IQGAP1: variants seen among roughly 807,000 people sequenced by gnomAD.
The protein encoded by IQGAP1 is ras GTPase-activating-like protein IQGAP1.
In IQGAP1, 66 loss-of-function variants were observed where a neutral mutation model predicts 215.6. The observed-to-expected ratio is 0.31, with a 90% confidence interval of 0.25 to 0.38. The LOEUF is 0.38. Among genes scored for constraint, IQGAP1 ranks in the 10% least tolerant of loss-of-function variants. The probability of loss-of-function intolerance (pLI) is 1.00; values close to 1 mark genes in which losing one functional copy is unlikely to be tolerated. For missense variants in IQGAP1, 1,712 were observed against 1,997.1 expected, an observed-to-expected ratio of 0.86 and a Z score of 2.72; for synonymous variants, 772 against 728.7, an observed-to-expected ratio of 1.06 and a Z score of -0.96.
At position 90,456,887 on chromosome 15, in the gene IQGAP1, C is replaced by CA. The variant is rs745807702; in HGVS notation, c.1776+579dup. On this transcript the variant is annotated intron_variant, in intron 15 of 37. Transcript: ENST00000268182. The stretch of plus-strand genomic sequence containing the variant: ...TGGGGGACAGAGTAAGACTCCGTCT[C>CA]AAAAAAATATATATATATATATATG... Among the ~76,000 whole-genome samples, 3 of 138,548 alleles carry CA rather than the reference C, an allele frequency of 2.2e-5. 1 individual carries two copies. In the East Asian group the frequency reaches 6.2e-4, roughly 29 times the overall value. The allele number at this position is 138,548 out of a possible 152,430, so 90.9% of individuals were successfully genotyped here.
intron 2 of IQGAP1, among the ~76,000 whole-genome samples, chr15:90,413,869 T>C (rs1018260199): frequency 6.6e-6 from 1 of 152,160 alleles, no homozygotes; most frequent in Admixed American, 6.5e-5. Context: ...GGGTAACATG[T>C]CATTCTTGGT....
intron 2 of IQGAP1, among the ~76,000 whole-genome samples, chr15:90,407,071 G>T (rs1267788659): frequency 1.3e-5 from 2 of 152,168 alleles, no homozygotes; most frequent in Non-Finnish European, 2.9e-5. Flanking sequence ...TAGATTTGTG[G>T]TAGGTTATTT....
chr15:90,388,491 G>C, intron 1 of IQGAP1, 95 bp downstream of exon 1: 1 of 1,090,252 alleles, frequency 9.2e-7, no homozygotes, highest in Non-Finnish European at 1.2e-6. Flanking sequence ...GGGTGGGGCA[G>C]GGCGGCTGCC....
chr15:90,495,401 A>T (rs1330755212), intron 36 of IQGAP1, among the ~76,000 whole-genome samples: 1 of 152,138 alleles, frequency 6.6e-6, no homozygotes, highest in Admixed American at 6.6e-5. Flanking sequence ...ACAACTTTTA[A>T]AAAAAGAACC....
chr15:90,433,812 G>A lies in IQGAP1; in HGVS notation c.467+17G>A. On this transcript the variant is annotated intron_variant, in intron 5 of 37. Transcript: ENST00000268182. ...TGCACTCAGGTAGTCAAATTTTCTT[G>A]GCAAAATAAGGAAATTATGAATAAC... 1 of 1,448,816 alleles carries A rather than the reference G, an allele frequency of 6.9e-7. No individual in the cohort carries two copies. 89.7% of individuals were successfully genotyped at this position (1,448,816 alleles called of 1,614,324 possible). A position where few individuals can be genotyped will look rare whatever the true frequency, so the allele number is the denominator to read the frequency against.
intron 37 of IQGAP1, among the ~76,000 whole-genome samples, chr15:90,498,701 G>C (rs912475117): frequency 2.0e-5 from 3 of 152,144 alleles, no homozygotes; most frequent in African/African-American, 7.2e-5. Context: ...AGACTGGAGT[G>C]TAGTGGCGTG....
intron 19 of IQGAP1, 115 bp from the exon 20 acceptor site, chr15:90,473,600 C>T (rs1250004464): frequency 4.2e-6 from 3 of 717,774 alleles, no homozygotes; most frequent in Non-Finnish European, 7.2e-6. Context: ...AGTGGTCCTT[C>T]CTAAAACTTC....
chr15:90,405,464 TTTA>T (rs1964864561), intron 2 of IQGAP1, among the ~76,000 whole-genome samples: 1 of 152,204 alleles, frequency 6.6e-6, no homozygotes, highest in African/African-American at 2.4e-5. Context: ...ACTAACATAA[TTTA>T]TTCTTTGTGT....
chr15:90,388,361 T>C lies in IQGAP1; in HGVS notation c.20T>C (p.Val7Ala), dbSNP rs576012710. 1.9e-6 allele frequency: 3 copies of C among 1,594,362 alleles called. No individual in the cohort carries two copies. The highest frequency in any genetic ancestry group is 2.6e-6 in the Non-Finnish European group (3 of 1,172,112). Residue 7 changes from valine (V) to alanine (A), a missense_variant, in exon 1 of 38, where the codon GTT becomes GCT. Val to Ala is a moderately conservative substitution (Grantham distance 64). Transcript: ENST00000268182. Reference sequence around the variant, plus strand: ...TCCGCCATGTCCGCCGCAGACGAGGTTGACGGGCTGGGCGTGGCCCGGCCG... The same window carrying C: ...TCCGCCATGTCCGCCGCAGACGAGGCTGACGGGCTGGGCGTGGCCCGGCCG... MSAADE[V>A]DGLGVARPHY...
Position 90,420,834 on chromosome 15 carries a change from C to G in IQGAP1, c.156-5276C>G, listed in dbSNP as rs529424164. 3.9e-5 allele frequency among the ~76,000 whole-genome samples: 6 copies of G among 152,306 alleles called. No homozygotes were observed. In the South Asian group the frequency reaches 1.2e-3, roughly 32 times the overall value. On this transcript the variant is annotated intron_variant, in intron 2 of 37. Transcript: ENST00000268182. ...AACTCTCAGACTCAGGCAACCCTCC[C>G]ACCTCAGCCATAGTTTTATTTTTAA...
At chr15:90,473,862 G>T in intron 20 of IQGAP1, 34 bp from the exon 21 acceptor site, 1 of 1,612,302 alleles carries the variant, frequency 6.2e-7, no homozygotes, top group Non-Finnish European at 8.5e-7. Context: ...TGAGATGAAG[G>T]ACTCTTCTAA....
Position 90,472,831 on chromosome 15 carries a change from C to G in IQGAP1, c.2179-9C>G. ...TGAATGTCTTTGAATGTGACCACTG[C>G]TTTTTCAGAGTTCTATCTCTGGGGT... On this transcript the variant is annotated splice_polypyrimidine_tract_variant and intron_variant, in intron 18 of 37. Transcript: ENST00000268182. 6.3e-7 allele frequency: 1 copy of G among 1,596,246 alleles called. No homozygotes were observed. The highest frequency in any genetic ancestry group is 1.3e-5 in the African/African-American group (1 of 74,428).
At chr15:90,450,958 C>T (rs985007345) in intron 11 of IQGAP1, among the ~76,000 whole-genome samples, 11 of 151,942 alleles carry the variant, frequency 7.2e-5, no homozygotes, top group African/African-American at 2.4e-4. Context: ...TGTGCAGAAG[C>T]TTTTTAGCTT....
intron 18 of IQGAP1, among the ~76,000 whole-genome samples, chr15:90,468,064 G>GTTT (rs1376711601): frequency 6.7e-6 from 1 of 148,368 alleles, no homozygotes; most frequent in Non-Finnish European, 1.5e-5. Context: ...TTGTTTGTTT[G>GTTT]TTTGTTTTTT....
intron 15 of IQGAP1, among the ~76,000 whole-genome samples, chr15:90,464,107 T>C (rs1426861712): frequency 6.6e-6 from 1 of 152,232 alleles, no homozygotes; most frequent in Non-Finnish European, 1.5e-5. Flanking sequence ...TGGCAAATTA[T>C]ATTCACATCG....
At chr15:90,450,034 T>C (rs774723636) in intron 11 of IQGAP1, among the ~76,000 whole-genome samples, 1 of 152,216 alleles carries the variant, frequency 6.6e-6, no homozygotes, top group Non-Finnish European at 1.5e-5. Context: ...TGTTTTGAAC[T>C]ATACATTATT....
Position 90,494,763 on chromosome 15 carries a change from C to T in IQGAP1, c.4679C>T (p.Ser1560Phe). 1.2e-6 allele frequency: 2 copies of T among 1,609,132 alleles called. No homozygotes were observed. The highest frequency in any genetic ancestry group is 1.7e-6 in the Non-Finnish European group (2 of 1,176,786). Residue 1560 changes from serine to phenylalanine, a missense_variant, in exon 36 of 38, where the codon TCT becomes TTT. Coordinates refer to ENST00000268182, the MANE Select transcript of IQGAP1 (RefSeq NM_003870.4). ...AAAGGAAAGAAAAGCAAAAAGATTT[C>T]TCTGAAATATACAGCAGCAAGACTA... ...EMKGKKSKKI[S>F]LKYTAARLHE... is the part of the protein sequence containing the mutation.
chr15:90,463,084 C>T (rs1005284456), intron 15 of IQGAP1, among the ~76,000 whole-genome samples: 3 of 152,158 alleles, frequency 2.0e-5, no homozygotes, highest in Non-Finnish European at 4.4e-5. Flanking sequence ...TGCTGTCTCT[C>T]TTTCCTTCTT....
intron 11 of IQGAP1, 29 bp downstream of exon 11, chr15:90,449,672 GA>G: frequency 1.3e-6 from 2 of 1,566,524 alleles, no homozygotes; most frequent in Non-Finnish European, 1.7e-6. Flanking sequence ...TGTATGGGAG[GA>G]AAGTTGTGGC....
Sources: allele counts gnomAD v4.1 joint callset (sites outside exome capture counted in the v4.1 genomes callset), GRCh38; gene constraint gnomAD v4.1.1; transcripts MANE v1.5; gene names NCBI Gene and HGNC (gene_info 2026-07-23, HGNC 2026-07-21).